The following PHETA2 variants were observed in gnomAD, a reference collection of about 807,000 sequenced individuals.
PHETA2 encodes sesquipedalian-2.
For missense variants in PHETA2, 321 were observed against 341.3 expected, an observed-to-expected ratio of 0.94 and a Z score of 0.47; for synonymous variants, 133 against 142.9, an observed-to-expected ratio of 0.93 and a Z score of 0.50.
At position 42,077,890 on chromosome 22, in the gene PHETA2, G is replaced by A. The variant is rs751779767; in HGVS notation, c.597G>A (p.Glu199=). The part of the protein sequence containing the change: ...GSRSAGWGLA[E]WELQGPASLL... ...GGTCTGCAGGGTGGGGGTTGGCTGAGTGGGAGCTGCAGGGCCCTGCCAGCC... is the reference window on the plus strand; with the variant it reads ...GGTCTGCAGGGTGGGGGTTGGCTGAATGGGAGCTGCAGGGCCCTGCCAGCC... The change falls in exon 3 of 3, where the codon GAG becomes GAA. Residue 199 remains glutamate, a synonymous_variant. Coordinates refer to ENST00000321753, the MANE Select transcript of PHETA2 (RefSeq NM_001002034.3). 10 of 1,613,568 alleles carry A rather than the reference G, an allele frequency of 6.2e-6. No homozygotes were observed. The highest frequency in any genetic ancestry group is 2.2e-5 in the East Asian group (1 of 44,896).
Position 42,077,912 on chromosome 22 carries a change from A to T in PHETA2, c.619A>T (p.Ser207Cys). 3.7e-6 allele frequency: 6 copies of T among 1,613,342 alleles called. No homozygotes were observed. The highest frequency in any genetic ancestry group is 5.1e-6 in the Non-Finnish European group (6 of 1,179,686). Residue 207 changes from serine to cysteine, a missense_variant, in exon 3 of 3, where the codon AGC (serine) becomes TGC (cysteine). Coordinates refer to ENST00000321753, the MANE Select transcript of PHETA2 (RefSeq NM_001002034.3). ...TGAGTGGGAGCTGCAGGGCCCTGCC[A>T]GCCTCCTCCTAGGCAAGGGGCAGAG... is the stretch of plus-strand genomic sequence containing the variant. ...LAEWELQGPA[S>C]LLLGKGQSPV...
Position 42,077,540 on chromosome 22 carries a change from GA to G in PHETA2, c.248del (p.Glu83GlyfsTer31), listed in dbSNP as rs1927337482. 6.2e-7 allele frequency: 1 copy of G among 1,614,046 alleles called. No individual in the cohort carries two copies. Among genetic ancestry groups the G allele is most frequent in the Non-Finnish European group, 8.5e-7 (1 of 1,180,036 alleles). On this transcript the variant is annotated frameshift_variant, in exon 3 of 3. Coordinates refer to ENST00000321753, the MANE Select transcript of PHETA2 (RefSeq NM_001002034.3). LOFTEE classifies it low-confidence loss of function (END_TRUNC). The part of the protein sequence containing the change: ...TVELAEAPVP[E>X]EFAFAICFDA... ...GGAACTGGCCGAGGCTCCCGTGCCCGAGGAGTTTGCCTTTGCCATCTGCTTT... is the reference window on the plus strand; with the variant it reads ...GGAACTGGCCGAGGCTCCCGTGCCCGGGAGTTTGCCTTTGCCATCTGCTTT...
At chr22:42,077,241 C>T in intron 2 of PHETA2, 39 bp from the exon 3 acceptor site, 2 of 1,503,776 alleles carry the variant, frequency 1.3e-6, no homozygotes, top group East Asian at 2.3e-5. Flanking sequence ...ACGGAACCAC[C>T]TCCCTCTCTG....
chr22:42,074,466 G>A (rs953295690), intron 1 of PHETA2, 125 bp downstream of exon 1: 14 of 152,330 alleles, frequency 9.2e-5, no homozygotes, highest in African/African-American at 3.1e-4. Flanking sequence ...GGGAGACCCT[G>A]ACCGAGGTGA....
At chr22:42,076,243 C>G (rs1680547734) in intron 2 of PHETA2, 1 of 179,956 alleles carries the variant, frequency 5.6e-6, no homozygotes. Context: ...ACTGGACACC[C>G]TATAGTTCAT....
At position 42,078,512 on chromosome 22, in the gene PHETA2, GCT is replaced by G. The variant is rs1467185230; in HGVS notation, c.*442_*443del. 2.3e-5 allele frequency: 4 copies of G among 177,596 alleles called. No homozygotes were observed. The highest frequency in any genetic ancestry group is 9.6e-5 in the African/African-American group (4 of 41,826). 11.0% of individuals were successfully genotyped at this position (177,596 alleles called of 1,614,324 possible). A position where few individuals can be genotyped will look rare whatever the true frequency, so the allele number is the denominator to read the frequency against. On this transcript the variant is annotated 3_prime_UTR_variant, in exon 3 of 3. Coordinates refer to ENST00000321753, the MANE Select transcript of PHETA2 (RefSeq NM_001002034.3). ...AGGTAGGCTGCAGTATCGGCTTGAA[GCT>G]CTGACACTGTCAGAGAAAGTGGATT... is the stretch of plus-strand genomic sequence containing the variant.
At chr22:42,077,219 C>A in intron 2 of PHETA2, 61 bp from the exon 3 acceptor site, 1 of 1,476,732 alleles carries the variant, frequency 6.8e-7, no homozygotes. Flanking sequence ...CGGTGCTGTT[C>A]CCCAGGAGGG....
rs575874218 is a variant in PHETA2, at chr22:42,076,301, CT to C, written c.-15+662del. The C allele has an allele frequency of 3.6e-3, 529 of 145,436 alleles. 1 individual carries two copies. Among genetic ancestry groups the C allele is most frequent in the Admixed American group, 3.7e-3 (54 of 14,604 alleles). The allele number at this position is 145,436 out of a possible 1,614,324, so 9.0% of individuals were successfully genotyped here. On this transcript the variant is annotated intron_variant, in intron 2 of 2. Coordinates refer to ENST00000321753, the MANE Select transcript of PHETA2 (RefSeq NM_001002034.3). ...AGCCAATCACTAATCAATGTTATTT[CT>C]TTTTTTTTTTTTGAGATGGAGTTTC...
rs133382 is a variant in PHETA2, at chr22:42,075,770, C to T, written c.-15+118C>T. ...CTTGGTTTTCCATGAGTAAGGACAG[C>T]TGGACTAAGTGCCGTTCATGATGCT... On this transcript the variant is annotated intron_variant, in intron 2 of 2. Coordinates refer to ENST00000321753, the MANE Select transcript of PHETA2 (RefSeq NM_001002034.3). The surrounding 1 kb of genome is among the most constrained non-coding windows in gnomAD (Gnocchi z 4.8). 0.62 allele frequency: 94,202 copies of T among 152,104 alleles called. 29,788 individuals are homozygous for T. Among genetic ancestry groups the T allele is most frequent in the East Asian group, 0.85 (4,393 of 5,174 alleles). The allele number at this position is 152,104 out of a possible 1,614,324, so 9.4% of individuals were successfully genotyped here.
In PHETA2 at chr22:42,077,568, A is replaced by T; in HGVS notation, c.275A>T (p.Asp92Val). Residue 92 changes from aspartate (D) to valine (V), a missense_variant, in exon 3 of 3, where the codon GAT (aspartate) becomes GTT (valine). Coordinates refer to ENST00000321753, the MANE Select transcript of PHETA2 (RefSeq NM_001002034.3). ...GAGTTTGCCTTTGCCATCTGCTTTG[A>T]TGCCCCTGGAGTGCGCCCACACCTG... ...PEEFAFAICF[D>V]APGVRPHLLA... is the part of the protein sequence containing the mutation. The T allele has an allele frequency of 6.2e-7, 1 of 1,614,136 alleles. No homozygotes were observed. The highest frequency in any genetic ancestry group is 1.1e-5 in the South Asian group (1 of 91,088).
In PHETA2 at chr22:42,077,613, C is replaced by A. The variant is rs148151293; in HGVS notation, c.320C>A (p.Ala107Glu). The part of the protein sequence containing the change: ...RPHLLAAEGP[A>E]AQEAWVKVLS... ...CACCTGCTGGCCGCAGAAGGGCCGGCGGCCCAGGAGGCCTGGGTGAAGGTG... is the reference window on the plus strand; with the variant it reads ...CACCTGCTGGCCGCAGAAGGGCCGGAGGCCCAGGAGGCCTGGGTGAAGGTG... The change falls in exon 3 of 3, where the codon GCG (alanine) becomes GAG (glutamate). Residue 107 changes from alanine (A) to glutamate (E), a missense_variant. By Grantham distance (107) the Ala-to-Glu change is moderately radical. Coordinates refer to ENST00000321753, the MANE Select transcript of PHETA2 (RefSeq NM_001002034.3). The A allele has an allele frequency of 1.2e-6, 2 of 1,614,032 alleles. No individual in the cohort carries two copies. Among genetic ancestry groups the A allele is most frequent in the East Asian group, 4.5e-5 (2 of 44,876 alleles).
rs1927234543 is a variant in PHETA2 at position 42,075,136 on chromosome 22, A to C, written c.-96-435A>C. 6.6e-6 allele frequency among the ~76,000 whole-genome samples: 1 copy of C among 152,144 alleles called. No homozygotes were observed. The highest frequency in any genetic ancestry group is 2.4e-5 in the African/African-American group (1 of 41,408). ...TGGGGCTGGGAACAGTGCTGTAAAC[A>C]CATATGACATCGTCGTGGGATGAAG... On this transcript the variant is annotated intron_variant, in intron 1 of 2. Coordinates refer to ENST00000321753, the MANE Select transcript of PHETA2 (RefSeq NM_001002034.3). This position sits in a 1 kb window ranked among gnomAD's most constrained non-coding sequence, Gnocchi z 4.8.
chr22:42,077,127 C>T (rs1927310485), intron 2 of PHETA2, among the ~76,000 whole-genome samples, 153 bp from the exon 3 acceptor site: 1 of 152,192 alleles, frequency 6.6e-6, no homozygotes, highest in Non-Finnish European at 1.5e-5. Flanking sequence ...GACGAGCCCA[C>T]TTCTCAGGAG....
chr22:42,076,176 T>TG (rs1927273935), intron 2 of PHETA2: 1 of 215,628 alleles, frequency 4.6e-6, no homozygotes, highest in Non-Finnish European at 9.8e-6. Flanking sequence ...AATTACCTCT[T>TG]GAAGCCACTT....
rs1927439018 is a variant in PHETA2 at position 42,078,476 on chromosome 22, A to G, written c.*403A>G. ...TTCCAACCTGGGGAGTCTCCTGTGCACTTAAATCCGAGGTAGGCTGCAGTA... is the reference window on the plus strand; with the variant it reads ...TTCCAACCTGGGGAGTCTCCTGTGCGCTTAAATCCGAGGTAGGCTGCAGTA... On this transcript the variant is annotated 3_prime_UTR_variant, in exon 3 of 3. Coordinates refer to ENST00000321753, the MANE Select transcript of PHETA2 (RefSeq NM_001002034.3). The G allele has an allele frequency of 5.0e-6, 1 of 199,178 alleles. No homozygotes were observed. Among genetic ancestry groups the G allele is most frequent in the Non-Finnish European group, 1.1e-5 (1 of 90,058 alleles). 12.3% of individuals were successfully genotyped at this position (199,178 alleles called of 1,614,324 possible).
intron 2 of PHETA2, 132 bp from the exon 3 acceptor site, chr22:42,077,148 C>A (rs1927311106): frequency 2.7e-6 from 2 of 738,052 alleles, no homozygotes; most frequent in Admixed American, 6.7e-5. Flanking sequence ...ACTTTAGGGA[C>A]CTTAGGGACA....
At chr22:42,074,648 C>T (rs1321401431) in intron 1 of PHETA2, among the ~76,000 whole-genome samples, 1 of 152,176 alleles carries the variant, frequency 6.6e-6, no homozygotes, top group Non-Finnish European at 1.5e-5. Flanking sequence ...GAGGAGGGAG[C>T]GCCCTTCCCC....
chr22:42,077,514 T>A lies in PHETA2; in HGVS notation c.221T>A (p.Val74Glu), dbSNP rs776168178. ...LSLVVLEGCT[V>E]ELAEAPVPEE... ...CTGGTGGTGCTGGAAGGCTGCACAGTGGAACTGGCCGAGGCTCCCGTGCCC... is the reference window on the plus strand; with the variant it reads ...CTGGTGGTGCTGGAAGGCTGCACAGAGGAACTGGCCGAGGCTCCCGTGCCC... Residue 74 changes from valine (V) to glutamate (E), a missense_variant, in exon 3 of 3, where the codon GTG becomes GAG. Transcript: ENST00000321753. The A allele has an allele frequency of 5.0e-6, 8 of 1,614,126 alleles. No homozygotes were observed. The South Asian group carries it at 7.7e-5, about 16-fold the overall frequency.
chr22:42,074,575 C>T (rs1183897275), intron 1 of PHETA2: 2 of 152,298 alleles, frequency 1.3e-5, no homozygotes, highest in African/African-American at 2.4e-5. Flanking sequence ...CAAAAGAATC[C>T]AGGAAGACGG....
Sources: allele counts gnomAD v4.1 joint callset (sites outside exome capture counted in the v4.1 genomes callset), GRCh38; gene constraint gnomAD v4.1.1; non-coding constraint Gnocchi (gnomAD v3.1); transcripts MANE v1.5; gene names NCBI Gene and HGNC (gene_info 2026-07-23, HGNC 2026-07-21).